PTPRD: variants seen among roughly 807,000 people sequenced by gnomAD.
PTPRD encodes receptor-type tyrosine-protein phosphatase delta.
PTPRD carries 34 observed loss-of-function variants against 214.5 expected under a neutral mutation model. The ratio of observed to expected loss-of-function variants is 0.16; its 90% confidence interval spans 0.12 to 0.21. PTPRD has a LOEUF of 0.21. Among genes scored for constraint, PTPRD ranks in the 10% least tolerant of loss-of-function variants. The pLI is 1.00. For missense variants in PTPRD, 2,545 were observed against 2,398.7 expected, an observed-to-expected ratio of 1.06 and a Z score of -1.27; for synonymous variants, 1,128 against 845.7, an observed-to-expected ratio of 1.33 and a Z score of -5.79.
intron 9 of PTPRD, among the ~76,000 whole-genome samples, chr9:9,299,796 T>C (rs1372444628): frequency 3.3e-5 from 5 of 151,280 alleles, no homozygotes; most frequent in East Asian, 1.9e-4. Context: ...GCATGTGGGA[T>C]GAGGGAAAAG....
intron 5 of PTPRD, among the ~76,000 whole-genome samples, chr9:9,908,567 T>A (rs1183159963): frequency 6.6e-6 from 1 of 152,070 alleles, no homozygotes; most frequent in Non-Finnish European, 1.5e-5. Flanking sequence ...AGTCCACAGA[T>A]AAAATGAAGT....
chr9:10,595,541 G>A (rs2076426857), intron 2 of PTPRD, among the ~76,000 whole-genome samples: 1 of 151,346 alleles, frequency 6.6e-6, no homozygotes, highest in Admixed American at 6.6e-5. Flanking sequence ...GTTCTTTTTG[G>A]CGGCTCATTT....
chr9:10,227,619 C>T (rs891479439), intron 3 of PTPRD, among the ~76,000 whole-genome samples: 7 of 151,892 alleles, frequency 4.6e-5, no homozygotes, highest in Non-Finnish European at 5.9e-5. Context: ...ATTTTTCATC[C>T]ATCCTTAGAA....
intron 13 of PTPRD, 79 bp from the exon 14 acceptor site, chr9:8,633,537 G>T: frequency 6.7e-7 from 1 of 1,499,284 alleles, no homozygotes; most frequent in Non-Finnish European, 9.1e-7. Context: ...TACAGTGGTG[G>T]ATCCGCCATT....
At chr9:9,624,200 A>C (rs180926925) in intron 7 of PTPRD, among the ~76,000 whole-genome samples, 357 of 152,138 alleles carry the variant, frequency 2.3e-3, no homozygotes, top group African/African-American at 8.4e-3. Flanking sequence ...TTTTAATTGC[A>C]CTATTAACTC....
At chr9:9,953,493 GACACACACAC>G (rs59836734) in intron 4 of PTPRD, among the ~76,000 whole-genome samples, 5 of 145,226 alleles carry the variant, frequency 3.4e-5, no homozygotes, top group Admixed American at 2.1e-4. Flanking sequence ...GGGAATTGTG[GACACACACAC>G]ACACACACAC....
At chr9:9,875,449 C>G (rs1278839777) in intron 5 of PTPRD, among the ~76,000 whole-genome samples, 1 of 151,888 alleles carries the variant, frequency 6.6e-6, no homozygotes, top group East Asian at 1.9e-4. Flanking sequence ...TGTTAATAAC[C>G]TAAGTAGGAT....
chr9:9,421,622 T>A (rs959155710), intron 8 of PTPRD, among the ~76,000 whole-genome samples: 22 of 152,134 alleles, frequency 1.4e-4, no homozygotes, highest in Non-Finnish European at 2.8e-4. Flanking sequence ...TGGGATTTAA[T>A]GTTCTATTTT....
chr9:10,218,808 G>A (rs1237610738), intron 3 of PTPRD, among the ~76,000 whole-genome samples: 1 of 151,616 alleles, frequency 6.6e-6, no homozygotes, highest in East Asian at 1.9e-4. Flanking sequence ...TGCTTGAATT[G>A]TTCATAATTG....
In PTPRD at chr9:8,797,238, G is replaced by A. The variant is rs575747506; in HGVS notation, c.-103-63292C>T. 4 of 152,210 alleles carry A rather than the reference G, an allele frequency of 2.6e-5. No homozygotes were observed. In the South Asian group the frequency reaches 8.3e-4, roughly 32 times the overall value. The allele number at this position is 152,210 out of a possible 1,614,324, so 9.4% of individuals were successfully genotyped here. A position where few individuals can be genotyped will look rare whatever the true frequency, so the allele number is the denominator to read the frequency against. ...AATAAAATAAATTCAAGCTACAAATGAACGTAAATCCTAATACGATTGCCT... is the reference window on the plus strand; with the variant it reads ...AATAAAATAAATTCAAGCTACAAATAAACGTAAATCCTAATACGATTGCCT... On this transcript the variant is annotated intron_variant, in intron 11 of 45. Coordinates refer to ENST00000381196, the MANE Select transcript of PTPRD (RefSeq NM_002839.4).
At chr9:9,756,645 C>G (rs1373590412) in intron 6 of PTPRD, among the ~76,000 whole-genome samples, 1 of 152,064 alleles carries the variant, frequency 6.6e-6, no homozygotes, top group East Asian at 1.9e-4. Context: ...TGTTTTGGAA[C>G]TGGATAGAGT....
intron 10 of PTPRD, among the ~76,000 whole-genome samples, chr9:9,019,317 A>AAAGAAAGAAAGAAAGG (rs1554629349): frequency 0.014 from 1,625 of 116,872 alleles, 24 homozygotes; most frequent in Non-Finnish European, 0.02. Context: ...AGAAAGAAAG[A>AAAGAAAGAAAGAAAGG]AAGAAAGAAA....
At chr9:8,560,937 A>C (rs2086005122) in intron 14 of PTPRD, among the ~76,000 whole-genome samples, 1 of 152,144 alleles carries the variant, frequency 6.6e-6, no homozygotes, top group South Asian at 2.1e-4. Flanking sequence ...TAAAAAAAAA[A>C]AAAACACTCC....
intron 5 of PTPRD, among the ~76,000 whole-genome samples, chr9:9,884,285 T>C (rs2069937499): frequency 6.6e-6 from 1 of 152,136 alleles, no homozygotes; most frequent in South Asian, 2.1e-4. Flanking sequence ...ACTTCATACC[T>C]TTATGTTGTT....
intron 20 of PTPRD, among the ~76,000 whole-genome samples, chr9:8,518,954 T>C (rs2097840643): frequency 6.6e-6 from 1 of 152,136 alleles, no homozygotes; most frequent in African/African-American, 2.4e-5. Context: ...ATGGTATAAC[T>C]GAAATACCGA....
intron 2 of PTPRD, among the ~76,000 whole-genome samples, chr9:10,455,720 A>T (rs1012961660): frequency 1.3e-5 from 2 of 151,776 alleles, no homozygotes; most frequent in Non-Finnish European, 3.0e-5. Context: ...ATTCTGTGAA[A>T]TGATTGGTAA....
chr9:10,158,370 T>C (rs56330142), intron 3 of PTPRD, among the ~76,000 whole-genome samples: 8,070 of 152,290 alleles, frequency 0.053, 305 homozygotes, highest in Admixed American at 0.1. Flanking sequence ...TTACCATGTT[T>C]AATTTTTAAA....
At chr9:9,629,002 T>C (rs1051516164) in intron 7 of PTPRD, among the ~76,000 whole-genome samples, 1 of 151,422 alleles carries the variant, frequency 6.6e-6, no homozygotes, top group Non-Finnish European at 1.5e-5. Flanking sequence ...TGAAACCCCA[T>C]CTCTACCAAA....
chr9:8,859,935 C>T (rs1452666442), intron 11 of PTPRD: 1 of 152,098 alleles, frequency 6.6e-6, no homozygotes, highest in Non-Finnish European at 1.5e-5. Flanking sequence ...GGTTTACCCT[C>T]CAATCATTCT....
Sources: gnomAD v4.1 joint callset for allele counts (sites outside exome capture counted in the v4.1 genomes callset) on GRCh38, gnomAD v4.1.1 for gene constraint, MANE v1.5 for transcripts, NCBI Gene and HGNC (gene_info 2026-07-23, HGNC 2026-07-21) for gene names.